Variants in CD247 observed in about 807,000 individuals in gnomAD.
CD247 encodes T-cell surface glycoprotein CD3 zeta chain.
In CD247, 13 loss-of-function variants were observed where a neutral mutation model predicts 30.0. The observed-to-expected ratio is 0.43, with a 90% CI of 0.28 to 0.69. The LOEUF is 0.69. Ranked by LOEUF, CD247 falls within the 30% of genes least tolerant of loss-of-function variation. The pLI, the probability that CD247 is intolerant of heterozygous loss-of-function variation, is 0.16. For missense variants in CD247, 193 were observed against 212.6 expected, an observed-to-expected ratio of 0.91 and a Z score of 0.57; for synonymous variants, 72 against 80.0, an observed-to-expected ratio of 0.90 and a Z score of 0.53.
At chr1:167,486,949 CT>C (rs1351099310) in intron 1 of CD247, among the ~76,000 whole-genome samples, 2 of 151,084 alleles carry the variant, frequency 1.3e-5, no homozygotes, top group Non-Finnish European at 2.9e-5. Flanking sequence ...TGGAGGGTGC[CT>C]GTAATCCCAG....
chr1:167,435,004 G>A (rs1457079502), intron 5 of CD247: 3 of 335,138 alleles, frequency 9.0e-6, no homozygotes, highest in African/African-American at 5.9e-5. Context: ...CCTTCCTCCG[G>A]AGCCCTCCTC....
chr1:167,499,603 A>T (rs1654824291), intron 1 of CD247, among the ~76,000 whole-genome samples: 1 of 152,178 alleles, frequency 6.6e-6, no homozygotes, highest in Admixed American at 6.5e-5. Flanking sequence ...CTCTAAGAGG[A>T]AAACAAACAG....
intron 1 of CD247, among the ~76,000 whole-genome samples, chr1:167,464,061 C>A (rs189668528): frequency 6.6e-6 from 1 of 152,026 alleles, no homozygotes; most frequent in Admixed American, 6.6e-5. Context: ...GAAGCCCCTA[C>A]GGTGGAAAGT....
chr1:167,509,514 T>C (rs1268060834), intron 1 of CD247, among the ~76,000 whole-genome samples: 7 of 152,006 alleles, frequency 4.6e-5, no homozygotes, highest in Admixed American at 4.6e-4. Flanking sequence ...ATTAAATGCG[T>C]GTTTGCCTAT....
At position 167,430,815 on chromosome 1, in the gene CD247, C is replaced by G. The variant is rs1651225008; in HGVS notation, c.*866G>C. ...GGGTTTTTCCTGTCCTGCCACTGTC[C>G]GCTGGGCAGTTATAGGTCCCATGTG... On this transcript the variant is annotated 3_prime_UTR_variant, in exon 8 of 8. Coordinates refer to ENST00000362089, the MANE Select transcript of CD247 (RefSeq NM_198053.3). The G allele has an allele frequency of 7.5e-6, 3 of 398,732 alleles. No homozygotes were observed. The allele number at this position is 398,732 out of a possible 1,614,324, so 24.7% of individuals were successfully genotyped here. A position where few individuals can be genotyped will look rare whatever the true frequency, so the allele number is the denominator to read the frequency against.
chr1:167,452,564 A>G (rs1652405705), intron 1 of CD247, among the ~76,000 whole-genome samples: 1 of 152,206 alleles, frequency 6.6e-6, no homozygotes, highest in African/African-American at 2.4e-5. Flanking sequence ...CCTTACTAGG[A>G]GAAAATGTCA....
chr1:167,483,021 T>TCTTTCTTTCTTTCTTTCTTTCTTTC (rs1654040175), intron 1 of CD247, among the ~76,000 whole-genome samples: 1 of 151,320 alleles, frequency 6.6e-6, no homozygotes, highest in African/African-American at 2.4e-5. Flanking sequence ...TCTTTTTTTT[T>TCTTTCTTTCTTTCTTTCTTTCTTTC]TTTTGAGACT....
chr1:167,436,721 G>GA (rs1651559611), intron 4 of CD247, among the ~76,000 whole-genome samples: 1 of 152,120 alleles, frequency 6.6e-6, no homozygotes, highest in African/African-American at 2.4e-5. Context: ...AGAGACATAT[G>GA]AAAAAATGCT....
chr1:167,465,076 A>G (rs752788144), intron 1 of CD247, among the ~76,000 whole-genome samples: 2 of 151,622 alleles, frequency 1.3e-5, no homozygotes, highest in Non-Finnish European at 2.9e-5. Context: ...CCAATACTCA[A>G]TCTTCCTGTC....
intron 1 of CD247, among the ~76,000 whole-genome samples, chr1:167,491,373 A>G (rs894658144): frequency 4.6e-5 from 7 of 152,146 alleles, no homozygotes; most frequent in Admixed American, 3.9e-4. Context: ...GTTCGAGACC[A>G]GCCTGACCAA....
At chr1:167,480,993 T>A (rs755812630) in intron 1 of CD247, among the ~76,000 whole-genome samples, 2 of 152,200 alleles carry the variant, frequency 1.3e-5, no homozygotes, top group African/African-American at 2.4e-5. Context: ...CATTATCCAC[T>A]AAGAGGTGTT....
chr1:167,479,274 T>G (rs1317101012), intron 1 of CD247, among the ~76,000 whole-genome samples: 1 of 152,262 alleles, frequency 6.6e-6, no homozygotes, highest in East Asian at 1.9e-4. Context: ...GTTTCTGTAT[T>G]CTTTTCTGTA....
intron 1 of CD247, among the ~76,000 whole-genome samples, chr1:167,501,602 G>T (rs1654911305): frequency 6.6e-6 from 1 of 152,218 alleles, no homozygotes. Flanking sequence ...GAAAGAAATG[G>T]TCAATTCCTA....
intron 1 of CD247, among the ~76,000 whole-genome samples, chr1:167,493,006 C>A (rs1234310370): frequency 6.7e-6 from 1 of 149,590 alleles, no homozygotes; most frequent in Non-Finnish European, 1.5e-5. Flanking sequence ...TCTCCACCCC[C>A]AATTTTGCCC....
intron 1 of CD247, among the ~76,000 whole-genome samples, chr1:167,443,525 G>T (rs1010181806): frequency 3.3e-5 from 5 of 152,192 alleles, no homozygotes; most frequent in African/African-American, 1.2e-4. Context: ...TATGGGACTG[G>T]TTGAGACTCA....
At chr1:167,462,088 C>G (rs1653044630) in intron 1 of CD247, among the ~76,000 whole-genome samples, 1 of 152,156 alleles carries the variant, frequency 6.6e-6, no homozygotes, top group Non-Finnish European at 1.5e-5. Flanking sequence ...TGGTGTAAGT[C>G]TCATGGGACT....
intron 1 of CD247, among the ~76,000 whole-genome samples, chr1:167,504,091 TTC>T (rs1655018667): frequency 6.6e-6 from 1 of 152,136 alleles, no homozygotes; most frequent in South Asian, 2.1e-4. Context: ...GGCAATGCGG[TTC>T]ATGGCGGGGG....
At chr1:167,498,162 A>G (rs1022650873) in intron 1 of CD247, among the ~76,000 whole-genome samples, 1 of 152,224 alleles carries the variant, frequency 6.6e-6, no homozygotes, top group Non-Finnish European at 1.5e-5. Context: ...GCTCCCGTCA[A>G]GAAGTGCCTT....
intron 1 of CD247, among the ~76,000 whole-genome samples, chr1:167,477,225 C>T (rs1173642798): frequency 1.3e-5 from 2 of 152,156 alleles, no homozygotes; most frequent in Non-Finnish European, 2.9e-5. Flanking sequence ...TATCAGGACC[C>T]TTAGAGAAAA....
Sources: gnomAD v4.1 joint callset for allele counts (sites outside exome capture counted in the v4.1 genomes callset) on GRCh38, gnomAD v4.1.1 for gene constraint, MANE v1.5 for transcripts, NCBI Gene and HGNC (gene_info 2026-07-23, HGNC 2026-07-21) for gene names.